Variants in EHMT1 observed in about 807,000 individuals in gnomAD.
EHMT1 encodes the protein histone-lysine N-methyltransferase EHMT1.
EHMT1 carries 15 observed loss-of-function variants against 147.2 expected under a neutral mutation model. That is an observed-to-expected ratio of 0.10 (90% CI 0.07 to 0.16). The LOEUF is 0.16. Ranked by LOEUF, EHMT1 falls within the 10% of genes least tolerant of loss-of-function variation. The pLI is 1.00. For missense variants in EHMT1, 1,587 were observed against 1,772.4 expected (o/e 0.90, Z 1.88); for synonymous variants, 795 against 709.6 (o/e 1.12, Z -1.91).
Position 137,822,024 on chromosome 9 carries a change from G to A in EHMT1, c.3540+3886G>A, listed in dbSNP as rs139016712. Among the ~76,000 whole-genome samples the A allele has an allele frequency of 1.1e-3, 163 of 152,312 alleles. 1 individual carries two copies. The highest frequency in any genetic ancestry group is 3.8e-3 in the African/African-American group (156 of 41,568). ...AGTTTTTACAAATGTACATCCCAGT[G>A]TAATCAATGCCACAGTCAAGATATG... On this transcript the variant is annotated intron_variant, in intron 25 of 26. Coordinates refer to ENST00000460843, the MANE Select transcript of EHMT1 (RefSeq NM_024757.5).
chr9:137,671,949 C>T (rs1213096017), intron 1 of EHMT1, among the ~76,000 whole-genome samples: 1 of 152,228 alleles, frequency 6.6e-6, no homozygotes, highest in South Asian at 2.1e-4. Context: ...TGTGTTCGTG[C>T]TGCGCCCCTT....
chr9:137,708,667 A>G (rs1019195080), intron 1 of EHMT1, among the ~76,000 whole-genome samples: 1 of 152,244 alleles, frequency 6.6e-6, no homozygotes, highest in Non-Finnish European at 1.5e-5. Context: ...CAAAAGGTAG[A>G]GTTTTAACAT....
At chr9:137,704,537 C>T (rs536697344) in intron 1 of EHMT1, among the ~76,000 whole-genome samples, 35 of 152,140 alleles carry the variant, frequency 2.3e-4, no homozygotes, top group Admixed American at 1.7e-3. Flanking sequence ...ATTTCTGTTC[C>T]GAGAGGAGTG....
chr9:137,662,799 TATTTA>T (rs749289066), intron 1 of EHMT1, among the ~76,000 whole-genome samples: 50 of 148,798 alleles, frequency 3.4e-4, no homozygotes, highest in African/African-American at 5.5e-4. Context: ...TTTATTTATT[TATTTA>T]TTTATTTTTG....
intron 9 of EHMT1, among the ~76,000 whole-genome samples, chr9:137,761,214 T>A (rs1394719423): frequency 6.6e-6 from 1 of 152,178 alleles, no homozygotes; most frequent in Non-Finnish European, 1.5e-5. Flanking sequence ...GTTTGTTCTG[T>A]CCCTGCTGGA....
chr9:137,799,221 T>G (rs2137326585), intron 17 of EHMT1, among the ~76,000 whole-genome samples: 1 of 151,910 alleles, frequency 6.6e-6, no homozygotes, highest in East Asian at 1.9e-4. Context: ...CTGGAGTGCC[T>G]TGTCCCCTCC....
At chr9:137,822,839 G>C (rs1227978287) in intron 25 of EHMT1, among the ~76,000 whole-genome samples, 2 of 149,232 alleles carry the variant, frequency 1.3e-5, no homozygotes, top group Non-Finnish European at 2.9e-5. Flanking sequence ...GTTGCAGTGA[G>C]CCAAGATCAT....
intron 18 of EHMT1, among the ~76,000 whole-genome samples, chr9:137,810,199 A>T (rs1243416716): frequency 3.4e-5 from 5 of 145,342 alleles, no homozygotes; most frequent in Admixed American, 6.8e-5. Flanking sequence ...CCCCGTGTGG[A>T]CCGTCGGTGA....
At chr9:137,676,889 T>A (rs371030720) in intron 1 of EHMT1, among the ~76,000 whole-genome samples, 6 of 90,060 alleles carry the variant, frequency 6.7e-5, no homozygotes, top group African/African-American at 3.1e-4. Context: ...TTGCTGAGAA[T>A]TTTTTTTTTT....
At chr9:137,648,840 T>G (rs1200760355) in intron 1 of EHMT1, among the ~76,000 whole-genome samples, 1 of 152,204 alleles carries the variant, frequency 6.6e-6, no homozygotes, top group Non-Finnish European at 1.5e-5. Flanking sequence ...TCAGGGTGCA[T>G]CCCGTTTCCC....
chr9:137,640,536 C>T (rs1347577376), intron 1 of EHMT1, among the ~76,000 whole-genome samples: 2 of 152,218 alleles, frequency 1.3e-5, no homozygotes, highest in Admixed American at 6.5e-5. Flanking sequence ...CTTGGTCTCC[C>T]AAAGTGCTAG....
At chr9:137,811,673 G>A in intron 19 of EHMT1, 58 bp downstream of exon 19, 1 of 1,596,652 alleles carries the variant, frequency 6.3e-7, no homozygotes. Context: ...GGCGCCCAGA[G>A]AGACCGCTTG....
chr9:137,633,096 G>A (rs1280521834), intron 1 of EHMT1, among the ~76,000 whole-genome samples: 2 of 152,138 alleles, frequency 1.3e-5, no homozygotes, highest in Admixed American at 6.5e-5. Flanking sequence ...GGACTAGGCC[G>A]GAGCCAAATG....
At chr9:137,746,645 T>C (rs902392244) in intron 6 of EHMT1, 1 of 152,216 alleles carries the variant, frequency 6.6e-6, no homozygotes, top group Non-Finnish European at 1.5e-5. Flanking sequence ...ATGGGGGAAG[T>C]TTATGACATA....
intron 18 of EHMT1, among the ~76,000 whole-genome samples, chr9:137,809,331 GTGT>G (rs1954215419): frequency 6.6e-6 from 1 of 152,220 alleles, no homozygotes; most frequent in Admixed American, 6.5e-5. Context: ...GAGCACAAGG[GTGT>G]CTCAGAAGAG....
chr9:137,689,760 T>C (rs951418938), intron 1 of EHMT1, among the ~76,000 whole-genome samples: 4 of 152,174 alleles, frequency 2.6e-5, no homozygotes, highest in Admixed American at 6.5e-5. Flanking sequence ...TACCTGCGAT[T>C]GTCATTTGAT....
intron 1 of EHMT1, among the ~76,000 whole-genome samples, chr9:137,649,487 CA>C (rs1006893407): frequency 6.9e-6 from 1 of 144,760 alleles, no homozygotes; most frequent in Non-Finnish European, 1.5e-5. Flanking sequence ...AACAAACAAA[CA>C]AAAATGTCCT....
At chr9:137,784,321 G>A (rs948337477) in intron 15 of EHMT1, 3 of 1,346,252 alleles carry the variant, frequency 2.2e-6, no homozygotes, top group African/African-American at 1.5e-5. Flanking sequence ...CAGCCTCGTA[G>A]CCTCTTAAAG....
At chr9:137,734,800 T>G (rs1168462325) in intron 4 of EHMT1, among the ~76,000 whole-genome samples, 1 of 152,164 alleles carries the variant, frequency 6.6e-6, no homozygotes, top group Admixed American at 6.5e-5. Flanking sequence ...ACCGGTATAT[T>G]AAGAGTGATA....
Sources: gnomAD v4.1 joint callset for allele counts (sites outside exome capture counted in the v4.1 genomes callset) on GRCh38, gnomAD v4.1.1 for gene constraint, MANE v1.5 for transcripts, NCBI Gene and HGNC (gene_info 2026-07-23, HGNC 2026-07-21) for gene names.